AKT1: variants seen among roughly 807,000 people sequenced by gnomAD.
AKT1 encodes the protein AKT serine/threonine kinase 1.
In AKT1, 21 loss-of-function variants were observed where a neutral mutation model predicts 63.1. The ratio of observed to expected loss-of-function variants is 0.33; its 90% CI spans 0.24 to 0.48. The LOEUF is 0.48. Among genes scored for constraint, AKT1 ranks in the 20% least tolerant of loss-of-function variants. The probability of loss-of-function intolerance (pLI) is 0.99; values close to 1 mark genes in which losing one functional copy is unlikely to be tolerated. For synonymous variants in AKT1, 257 were observed against 253.1 expected (o/e 1.02, Z -0.15); for missense variants, 382 against 666.0 (o/e 0.57, Z 4.69).
At position 104,770,318 on chromosome 14, in the gene AKT1, G is replaced by A. The variant is rs375585585; in HGVS notation, c.*23C>T. 40 of 1,600,470 alleles carry A rather than the reference G, an allele frequency of 2.5e-5. No individual in the cohort carries two copies. The East Asian group carries it at 4.0e-4, about 16-fold the overall frequency. On this transcript the variant is annotated 3_prime_UTR_variant, in exon 15 of 15. Coordinates refer to ENST00000649815, the MANE Select transcript of AKT1 (RefSeq NM_001382430.1). ...CGCCTCTCCATCCCTCCAAGCTATC[G>A]TCCAGCGCAGTCCACCGCCGCCTCA...
In AKT1 at chr14:104,781,791, G is replaced by A. The variant is rs1394487733; in HGVS notation, c.47-1575C>T. On this transcript the variant is annotated intron_variant, in intron 3 of 14. Coordinates refer to ENST00000649815, the MANE Select transcript of AKT1 (RefSeq NM_001382430.1). ...TGTCAGGTCTGGGGTGGACCAGGAA[G>A]GGGACAGCCACAGCCCACTCATAGC... Among the ~76,000 whole-genome samples the A allele has an allele frequency of 2.0e-5, 3 of 152,196 alleles. No homozygotes were observed. In the East Asian group the frequency reaches 5.8e-4, roughly 29 times the overall value.
At position 104,776,676 on chromosome 14, in the gene AKT1, C is replaced by T. The variant is rs2140929714; in HGVS notation, c.270G>A (p.Val90=). The T allele has an allele frequency of 6.2e-7, 1 of 1,613,380 alleles. No homozygotes were observed. The highest frequency in any genetic ancestry group is 8.5e-7 in the Non-Finnish European group (1 of 1,179,792). Residue 90 remains valine, a synonymous_variant, in exon 5 of 15, where the codon GTG becomes GTA. Transcript: ENST00000649815. Reference sequence around the variant, plus strand: ...CCACGTACCGCTCCTCAGGAGTCTCCACATGGAAGGTGCGTTCGATGACAG... The same window carrying T: ...CCACGTACCGCTCCTCAGGAGTCTCTACATGGAAGGTGCGTTCGATGACAG... ...WTTVIERTFH[V]ETPEEREEWT...
rs763570822 is a variant in AKT1 at position 104,776,642 on chromosome 14, C to T, written c.287+17G>A. The T allele has an allele frequency of 2.1e-5, 33 of 1,607,626 alleles. No homozygotes were observed. Among genetic ancestry groups the T allele is most frequent in the Non-Finnish European group, 2.3e-5 (27 of 1,176,030 alleles). On this transcript the variant is annotated intron_variant, in intron 5 of 14. Transcript: ENST00000649815. The stretch of plus-strand genomic sequence containing the variant: ...GGGCTGCCCAAGTGCCTGGCCTGGC[C>T]GCCACAGCCCACGTACCGCTCCTCA...
chr14:104,794,120 C>T (rs1027810842), intron 1 of AKT1: 3 of 152,414 alleles, frequency 2.0e-5, no homozygotes, highest in Admixed American at 6.5e-5. Context: ...ACACCTTACC[C>T]AAAGAGGGAA....
intron 7 of AKT1, 23 bp downstream of exon 7, chr14:104,775,053 C>T (rs1018204947): frequency 6.2e-7 from 1 of 1,613,630 alleles, no homozygotes; most frequent in Admixed American, 1.7e-5. Context: ...CATCTCCACC[C>T]TGCCCCACCG....
At chr14:104,784,533 A>G (rs1893235399) in intron 3 of AKT1, among the ~76,000 whole-genome samples, 1 of 152,030 alleles carries the variant, frequency 6.6e-6, no homozygotes, top group Non-Finnish European at 1.5e-5. Flanking sequence ...TTCCATCCCC[A>G]ACCCCGCTCA....
At chr14:104,788,147 G>C (rs941975363) in intron 3 of AKT1, among the ~76,000 whole-genome samples, 2 of 152,220 alleles carry the variant, frequency 1.3e-5, no homozygotes, top group Admixed American at 1.3e-4. Context: ...TCCCCCAGGG[G>C]AGGCAGAGCT....
intron 13 of AKT1, chr14:104,771,791 G>C (rs1042367432): frequency 4.2e-6 from 1 of 237,862 alleles, no homozygotes. Context: ...CATCAGCTGG[G>C]GTGATGGCCA....
In AKT1 at chr14:104,770,363, T is replaced by G. The variant is rs757963528; in HGVS notation, c.1421A>C (p.Tyr474Ser). ...GCCTCAGGCCGTGCCGCTGGCCGAG[T>G]AGGAGAACTGGGGGAAGTGGGGCCT... Reference protein sequence around the residue: ...ERRPHFPQFSYSASGTA With the variant: ...ERRPHFPQFSSSASGTA The change falls in exon 15 of 15, where the codon TAC (tyrosine) becomes TCC (serine). Residue 474 changes from tyrosine (Y) to serine (S), a missense_variant. Tyr to Ser is a moderately radical substitution (Grantham distance 144). This residue lies in a region of AKT1 where 90 missense variants were observed against 120.5 expected (regional missense o/e 0.75). Transcript: ENST00000649815. The G allele has an allele frequency of 6.2e-7, 1 of 1,612,568 alleles. No individual in the cohort carries two copies. The highest frequency in any genetic ancestry group is 8.5e-7 in the Non-Finnish European group (1 of 1,179,890).
chr14:104,788,639 G>A (rs892869882), intron 3 of AKT1, among the ~76,000 whole-genome samples: 2 of 152,180 alleles, frequency 1.3e-5, no homozygotes, highest in Non-Finnish European at 2.9e-5. Flanking sequence ...GTAACACACT[G>A]GGGTAGGAAC....
Position 104,773,851 on chromosome 14 carries a change from C to T in AKT1, c.702+61G>A, listed in dbSNP as rs61761196. On this transcript the variant is annotated intron_variant, in intron 9 of 14. Coordinates refer to ENST00000649815, the MANE Select transcript of AKT1 (RefSeq NM_001382430.1). ...GAGTAGCCGAGGCTCCGGGAAGGAC[C>T]GGCCCCACCATGGGCGGCCCACAGG... 6.3e-5 allele frequency: 95 copies of T among 1,499,688 alleles called. No individual in the cohort carries two copies. The African/African-American group carries it at 1.0e-3, about 16-fold the overall frequency. 92.9% of individuals were successfully genotyped at this position (1,499,688 alleles called of 1,614,324 possible). A position where few individuals can be genotyped will look rare whatever the true frequency, so the allele number is the denominator to read the frequency against.
chr14:104,777,607 G>A, intron 4 of AKT1: 5 of 995,366 alleles, frequency 5.0e-6, no homozygotes, highest in South Asian at 8.5e-5. Context: ...ACACCCTGAG[G>A]GCTGTGGGAA....
rs761592411 is a variant in AKT1, at chr14:104,780,048, C to T, written c.175+40G>A. On this transcript the variant is annotated intron_variant, in intron 4 of 14. Coordinates refer to ENST00000649815, the MANE Select transcript of AKT1 (RefSeq NM_001382430.1). ...GTGGGCAAAGAGGGCTCCAGCCAAC[C>T]CCCCAAATCTGAATCCCGAGAGGCC... 2.0e-5 allele frequency: 32 copies of T among 1,602,080 alleles called. No homozygotes were observed. The South Asian group carries it at 2.5e-4, about 13-fold the overall frequency.
At chr14:104,790,792 G>A (rs1024944368) in intron 3 of AKT1, among the ~76,000 whole-genome samples, 1 of 152,170 alleles carries the variant, frequency 6.6e-6, no homozygotes, top group Admixed American at 6.5e-5. Flanking sequence ...GAGGCTGGCC[G>A]GACCCCAACT....
intron 5 of AKT1, chr14:104,776,005 T>C (rs747183542): frequency 1.4e-5 from 8 of 569,134 alleles, no homozygotes; most frequent in Admixed American, 6.4e-5. Context: ...CACCCAGGCT[T>C]AGCCCCCCAG....
chr14:104,774,412 A>G, intron 8 of AKT1: 1 of 233,138 alleles, frequency 4.3e-6, no homozygotes, highest in Non-Finnish European at 8.5e-6. Flanking sequence ...GCCTTCGCAA[A>G]GGGAGGACAC....
chr14:104,769,615 A>C lies in AKT1; in HGVS notation c.*726T>G, dbSNP rs1741474323. 1 of 526,294 alleles carries C rather than the reference A, an allele frequency of 1.9e-6. No individual in the cohort carries two copies. Among genetic ancestry groups the C allele is most frequent in the South Asian group, 1.6e-5 (1 of 63,622 alleles). The allele number at this position is 526,294 out of a possible 1,614,324, so 32.6% of individuals were successfully genotyped here. On this transcript the variant is annotated 3_prime_UTR_variant, in exon 15 of 15. Transcript: ENST00000649815. Reference sequence around the variant, plus strand: ...CTGAGGGGGAGGCTCCCGGTGGGACAGTCACCAAGAACTGTGACACAGAAG... The same window carrying C: ...CTGAGGGGGAGGCTCCCGGTGGGACCGTCACCAAGAACTGTGACACAGAAG...
At chr14:104,774,205 T>C (rs1304031214) in intron 8 of AKT1, 17 of 511,122 alleles carry the variant, frequency 3.3e-5, no homozygotes, top group South Asian at 2.0e-4. Flanking sequence ...CACCCCCACA[T>C]CACACTGCCC....
Position 104,770,839 on chromosome 14 carries a change from T to C in AKT1, c.1269A>G (p.Pro423=), listed in dbSNP as rs201227909. The change falls in exon 14 of 15, where the codon CCA becomes CCG. Residue 423 remains proline (P), a synonymous_variant. Coordinates refer to ENST00000649815, the MANE Select transcript of AKT1 (RefSeq NM_001382430.1). Reference sequence around the variant, plus strand: ...CCGACGTGACCTGGGGCTTGAAGGGTGGGCTGAGCTGCAGAGGTGGGCAGA... The same window carrying C: ...CCGACGTGACCTGGGGCTTGAAGGGCGGGCTGAGCTGCAGAGGTGGGCAGA... ...WQHVYEKKLS[P]PFKPQVTSET... The C allele has an allele frequency of 6.2e-7, 1 of 1,613,980 alleles. No individual in the cohort carries two copies. The highest frequency in any genetic ancestry group is 8.5e-7 in the Non-Finnish European group (1 of 1,179,948).
Sources: allele counts gnomAD v4.1 joint callset (sites outside exome capture counted in the v4.1 genomes callset), GRCh38; gene constraint gnomAD v4.1.1; regional missense constraint gnomAD v4.1.1; transcripts MANE v1.5; gene names NCBI Gene and HGNC (gene_info 2026-07-23, HGNC 2026-07-21).